The following GUCY2C variants were observed in gnomAD, a reference collection of about 807,000 sequenced individuals.
GUCY2C encodes guanylyl cyclase C.
GUCY2C carries 118 observed loss-of-function variants against 131.1 expected under a neutral mutation model. That is an observed-to-expected ratio of 0.90 (90% confidence interval 0.78 to 1.05). The LOEUF (loss-of-function observed/expected upper bound fraction) is 1.05, where lower values mean the gene tolerates loss of function less well. Ranked by LOEUF, GUCY2C falls within the 50% of genes least tolerant of loss-of-function variation. GUCY2C has a pLI of 0.00. For missense variants in GUCY2C, 1,161 were observed against 1,304.4 expected, an observed-to-expected ratio of 0.89 and a Z score of 1.69; for synonymous variants, 452 against 457.8, an observed-to-expected ratio of 0.99 and a Z score of 0.16.
chr12:14,623,341 A>G (rs1468140426), intron 21 of GUCY2C, among the ~76,000 whole-genome samples: 1 of 152,224 alleles, frequency 6.6e-6, no homozygotes, highest in Non-Finnish European at 1.5e-5. Flanking sequence ...AATCAACCAC[A>G]AAGATTTCTA....
intron 12 of GUCY2C, 91 bp downstream of exon 12, chr12:14,656,421 C>A: frequency 1.5e-6 from 1 of 675,426 alleles, no homozygotes; most frequent in Non-Finnish European, 2.7e-6. Context: ...AACAACTATC[C>A]CTACTTGGCA....
intron 10 of GUCY2C, among the ~76,000 whole-genome samples, chr12:14,663,836 C>T (rs1299612540): frequency 1.3e-5 from 2 of 152,126 alleles, no homozygotes; most frequent in Non-Finnish European, 2.9e-5. Context: ...AGAAGAAAAA[C>T]CTGGCCCTGG....
At chr12:14,660,222 A>C (rs1947841016) in intron 11 of GUCY2C, among the ~76,000 whole-genome samples, 1 of 152,258 alleles carries the variant, frequency 6.6e-6, no homozygotes, top group African/African-American at 2.4e-5. Context: ...TAGGAAGTGC[A>C]AGTGAACCTG....
At chr12:14,629,440 C>T (rs1947096547) in intron 19 of GUCY2C, among the ~76,000 whole-genome samples, 1 of 152,074 alleles carries the variant, frequency 6.6e-6, no homozygotes, top group African/African-American at 2.4e-5. Context: ...GGACTCAGAC[C>T]TTAGTTGTAG....
chr12:14,664,861 C>T (rs1392733060), intron 10 of GUCY2C, among the ~76,000 whole-genome samples: 1 of 152,088 alleles, frequency 6.6e-6, no homozygotes, highest in Non-Finnish European at 1.5e-5. Flanking sequence ...TTCATTCATT[C>T]ATTCATTCAT....
chr12:14,642,069 A>G (rs538151779), intron 17 of GUCY2C, among the ~76,000 whole-genome samples: 2 of 152,332 alleles, frequency 1.3e-5, no homozygotes, highest in South Asian at 4.1e-4. Context: ...ATTAAGACAA[A>G]GAGACTATGG....
intron 17 of GUCY2C, among the ~76,000 whole-genome samples, chr12:14,641,870 G>A (rs1353261714): frequency 6.6e-6 from 1 of 151,858 alleles, no homozygotes; most frequent in African/African-American, 2.4e-5. Context: ...CTGGGAGGTG[G>A]AGGTTGCAGT....
intron 9 of GUCY2C, 79 bp from the exon 10 acceptor site, chr12:14,669,912 C>T (rs1948071191): frequency 1.7e-6 from 1 of 601,062 alleles, no homozygotes; most frequent in East Asian, 3.0e-5. Context: ...AATGATTCTA[C>T]ACAATGACGC....
At chr12:14,690,602 C>T (rs1052019767) in intron 1 of GUCY2C, among the ~76,000 whole-genome samples, 1 of 151,878 alleles carries the variant, frequency 6.6e-6, no homozygotes, top group Admixed American at 6.6e-5. Context: ...AGTGCAGTGG[C>T]GCGATCTCTG....
intron 4 of GUCY2C, among the ~76,000 whole-genome samples, chr12:14,682,261 A>G (rs1226322741): frequency 2.0e-5 from 3 of 152,148 alleles, no homozygotes; most frequent in Non-Finnish European, 2.9e-5. Context: ...GTGTCAAGGG[A>G]GAGACCAGGT....
rs893949046 is a variant in GUCY2C, at chr12:14,639,911, G to T, written c.2108C>A (p.Pro703His). The change falls in exon 19 of 27, where the codon CCC (proline) becomes CAC (histidine). Residue 703 changes from proline to histidine, a missense_variant. Pro to His is a moderately conservative substitution (Grantham distance 77). Coordinates refer to ENST00000261170, the MANE Select transcript of GUCY2C (RefSeq NM_004963.4). ...TTCCAAGAATAAATCTGGGCGGAAG[G>T]GTTTCATTCCATTGGAATTTTCCAC... ...FRVENSNGMKPFRPDLFLETA... is the reference protein window; with the variant it reads ...FRVENSNGMKHFRPDLFLETA... The T allele has an allele frequency of 6.8e-6, 11 of 1,611,594 alleles. No individual in the cohort carries two copies. Among genetic ancestry groups the T allele is most frequent in the Non-Finnish European group, 9.3e-6 (11 of 1,177,814 alleles).
At chr12:14,674,563 A>C (rs1948187101) in intron 8 of GUCY2C, 62 bp downstream of exon 8, 1 of 1,514,210 alleles carries the variant, frequency 6.6e-7, no homozygotes, top group Non-Finnish European at 9.2e-7. Flanking sequence ...TGTTGCCCCA[A>C]ATCCACTCAG....
chr12:14,692,171 A>G (rs1261880739), intron 1 of GUCY2C, among the ~76,000 whole-genome samples: 1 of 152,160 alleles, frequency 6.6e-6, no homozygotes, highest in African/African-American at 2.4e-5. Context: ...ATACTAAGAC[A>G]TTCCTTATTT....
rs1441756564 is a variant in GUCY2C at position 14,628,670 on chromosome 12, T to G, written c.2225A>C (p.Glu742Ala). 6.3e-7 allele frequency: 1 copy of G among 1,577,342 alleles called. No individual in the cohort carries two copies. Among genetic ancestry groups the G allele is most frequent in the South Asian group, 1.1e-5 (1 of 90,290 alleles). The change falls in exon 20 of 27, where the codon GAG (glutamate) becomes GCG (alanine). Residue 742 changes from glutamate to alanine, a missense_variant. By Grantham distance (107) the Glu-to-Ala change is moderately radical. Transcript: ENST00000261170. ...PEKRPDFKKI[E>A]TTLAKIFGLF... ...CCCAAATATCTTGGCAAGTGTAGTC[T>G]CAATTTTTTTGAAATCTGGTCTCTT...
At chr12:14,632,047 T>A (rs1195972526) in intron 19 of GUCY2C, among the ~76,000 whole-genome samples, 1 of 152,272 alleles carries the variant, frequency 6.6e-6, no homozygotes, top group African/African-American at 2.4e-5. Flanking sequence ...AAGTGTCTGT[T>A]TATGTCCTTC....
At chr12:14,651,338 AAATATTTTAAAAGGCCTGCTG>A in intron 15 of GUCY2C, 48 bp downstream of exon 15, 2 of 786,930 alleles carry the variant, frequency 2.5e-6, no homozygotes, top group South Asian at 3.1e-5. Flanking sequence ...TTTACTCGGT[AAATATTTTAAAAGGCCTGCTG>A]AATATTTTTA....
chr12:14,689,443 A>G (rs796419584), intron 1 of GUCY2C, among the ~76,000 whole-genome samples: 29 of 152,252 alleles, frequency 1.9e-4, no homozygotes, highest in African/African-American at 6.3e-4. Context: ...GTTGAAATAC[A>G]CCCATCAGAA....
At chr12:14,617,893 T>G (rs1043402478) in intron 24 of GUCY2C, among the ~76,000 whole-genome samples, 4 of 152,212 alleles carry the variant, frequency 2.6e-5, no homozygotes, top group African/African-American at 4.8e-5. Flanking sequence ...ATACTGAGAA[T>G]GATTAACATA....
At chr12:14,683,685 G>A (rs746772495) in intron 3 of GUCY2C, among the ~76,000 whole-genome samples, 1 of 152,070 alleles carries the variant, frequency 6.6e-6, no homozygotes, top group Non-Finnish European at 1.5e-5. Flanking sequence ...AGTCATCTAG[G>A]CTTGTATGTA....
Sources: allele counts gnomAD v4.1 joint callset (sites outside exome capture counted in the v4.1 genomes callset), GRCh38; gene constraint gnomAD v4.1.1; transcripts MANE v1.5; gene names NCBI Gene and HGNC (gene_info 2026-07-23, HGNC 2026-07-21).